MTHFD2L: variants seen among roughly 807,000 people sequenced by gnomAD.
MTHFD2L encodes bifunctional methylenetetrahydrofolate dehydrogenase/cyclohydrolase 2, mitochondrial.
A neutral mutation model predicts 34.9 loss-of-function variants in MTHFD2L; 29 were observed. That is an observed-to-expected ratio of 0.83 (90% CI 0.62 to 1.13). The LOEUF (loss-of-function observed/expected upper bound fraction) is 1.13, where lower values mean the gene tolerates loss of function less well. MTHFD2L is among the 50% of genes most tolerant of loss of function. The pLI, the probability that MTHFD2L is intolerant of heterozygous loss-of-function variation, is 0.00. For synonymous variants in MTHFD2L, 167 were observed against 155.7 expected, an observed-to-expected ratio of 1.07 and a Z score of -0.54; for missense variants, 481 against 446.5, an observed-to-expected ratio of 1.08 and a Z score of -0.70.
At chr4:74,250,858 C>T (rs557946501) in intron 6 of MTHFD2L, among the ~76,000 whole-genome samples, 1 of 152,282 alleles carries the variant, frequency 6.6e-6, no homozygotes, top group African/African-American at 2.4e-5. Context: ...CAGACACAGT[C>T]TCCCAACTGC....
chr4:74,299,080 CAAAT>C (rs1414025945), intron 7 of MTHFD2L, among the ~76,000 whole-genome samples: 2 of 151,684 alleles, frequency 1.3e-5, no homozygotes, highest in African/African-American at 4.8e-5. Context: ...TTTTCATAGA[CAAAT>C]AATATCAAAG....
chr4:74,137,537 C>A (rs1322079839), intron 1 of MTHFD2L, among the ~76,000 whole-genome samples: 1 of 151,974 alleles, frequency 6.6e-6, no homozygotes, highest in Non-Finnish European at 1.5e-5. Flanking sequence ...ACAGCCAGTA[C>A]AGAAGATTGT....
intron 1 of MTHFD2L, among the ~76,000 whole-genome samples, chr4:74,147,360 G>T (rs558709380): frequency 6.6e-6 from 1 of 152,252 alleles, no homozygotes; most frequent in South Asian, 2.1e-4. Context: ...ATTCCAGAAG[G>T]TTATATCCTG....
rs774336019 is a variant in MTHFD2L at position 74,159,386 on chromosome 4, C to G, written c.143+1105C>G. On this transcript the variant is annotated intron_variant, in intron 1 of 7. Coordinates refer to ENST00000325278, the MANE Select transcript of MTHFD2L (RefSeq NM_001144978.3). ...ATCTACTACCTAGGAAAAGCAGATT[C>G]TGTAGAATTCTATTTGTTTTAAAGA... Among the ~76,000 whole-genome samples, 143 of 152,272 alleles carry G rather than the reference C, an allele frequency of 9.4e-4. 1 individual carries two copies. Among genetic ancestry groups the G allele is most frequent in the Non-Finnish European group, 5.9e-5 (4 of 68,018 alleles).
chr4:74,158,860 GCAAGAA>G (rs1724776675), intron 1 of MTHFD2L, among the ~76,000 whole-genome samples: 1 of 152,042 alleles, frequency 6.6e-6, no homozygotes, highest in African/African-American at 2.4e-5. Context: ...TTGGTTGCTG[GCAAGAA>G]CCATGCAAAT....
chr4:74,136,775 C>G (rs1722967029), intron 1 of MTHFD2L, among the ~76,000 whole-genome samples: 1 of 151,930 alleles, frequency 6.6e-6, no homozygotes, highest in Non-Finnish European at 1.5e-5. Context: ...TAAAAACAGA[C>G]AGATAAATAA....
intron 7 of MTHFD2L, among the ~76,000 whole-genome samples, chr4:74,290,751 ATCC>A (rs1324358383): frequency 6.6e-6 from 1 of 151,740 alleles, no homozygotes; most frequent in African/African-American, 2.4e-5. Context: ...AGTTACCACC[ATCC>A]TCCTCATTAC....
chr4:74,192,602 A>G (rs1024498859), intron 3 of MTHFD2L, among the ~76,000 whole-genome samples: 1 of 152,112 alleles, frequency 6.6e-6, no homozygotes, highest in African/African-American at 2.4e-5. Context: ...CATATTATGG[A>G]ACATTTTTGT....
intron 1 of MTHFD2L, among the ~76,000 whole-genome samples, chr4:74,128,557 T>G (rs1722243735): frequency 6.6e-6 from 1 of 152,142 alleles, no homozygotes; most frequent in Admixed American, 6.6e-5. Context: ...GGGTTCTCTA[T>G]TCTATTCCAT....
At chr4:74,178,059 A>T (rs1433481484) in intron 3 of MTHFD2L, among the ~76,000 whole-genome samples, 1 of 23,902 alleles carries the variant, frequency 4.2e-5, no homozygotes, top group African/African-American at 4.3e-5. Flanking sequence ...TCATGGAAAC[A>T]TAGAGTTAAT....
Position 74,281,557 on chromosome 4 carries a change from A to T in MTHFD2L, c.931+7A>T. The T allele has an allele frequency of 6.2e-7, 1 of 1,608,004 alleles. No homozygotes were observed. The highest frequency in any genetic ancestry group is 8.5e-7 in the Non-Finnish European group (1 of 1,177,596). On this transcript the variant is annotated splice_region_variant and intron_variant, in intron 7 of 7. Coordinates refer to ENST00000325278, the MANE Select transcript of MTHFD2L (RefSeq NM_001144978.3). ...GGAGATGTGGACTTCGAAGGTAATA[A>T]ACCAATATCTTTTGATAGGTGAAGA...
intron 5 of MTHFD2L, among the ~76,000 whole-genome samples, chr4:74,223,638 A>AAAT (rs1560504600): frequency 4.0e-5 from 6 of 151,364 alleles, no homozygotes; most frequent in East Asian, 1.9e-4. Flanking sequence ...AAAACAAATA[A>AAAT]AAATAAATAA....
intron 5 of MTHFD2L, among the ~76,000 whole-genome samples, chr4:74,210,118 A>T (rs1208356852): frequency 1.3e-5 from 2 of 151,902 alleles, no homozygotes; most frequent in African/African-American, 4.8e-5. Context: ...TAGATTGCAA[A>T]TTTTTTCTCC....
intron 3 of MTHFD2L, among the ~76,000 whole-genome samples, chr4:74,198,920 A>T (rs1015982987): frequency 2.0e-5 from 3 of 152,156 alleles, no homozygotes; most frequent in Non-Finnish European, 4.4e-5. Context: ...CAAAAGATAT[A>T]AAACCCAAGG....
chr4:74,240,052 T>A (rs1256972000), intron 6 of MTHFD2L, among the ~76,000 whole-genome samples: 3 of 152,126 alleles, frequency 2.0e-5, no homozygotes, highest in African/African-American at 7.2e-5. Flanking sequence ...TTCTTGTAGG[T>A]CACTAAGATA....
rs1006062193 is a variant in MTHFD2L, at chr4:74,246,678, G to T, written c.805+21284G>T. Among the ~76,000 whole-genome samples, 5 of 152,248 alleles carry T rather than the reference G, an allele frequency of 3.3e-5. No homozygotes were observed. In the East Asian group the frequency reaches 7.7e-4, roughly 23 times the overall value. ...GTATAAGGTGTAAGGAAGGGATCCA[G>T]TTTCAGCTTTCTACATATGGCCAGC... is the stretch of plus-strand genomic sequence containing the variant. On this transcript the variant is annotated intron_variant, in intron 6 of 7. Transcript: ENST00000325278.
intron 6 of MTHFD2L, among the ~76,000 whole-genome samples, chr4:74,227,399 A>G (rs1441569251): frequency 1.3e-5 from 2 of 151,090 alleles, no homozygotes; most frequent in Non-Finnish European, 2.9e-5. Context: ...CGCTGTAAAA[A>G]TTATTTCATT....
intron 1 of MTHFD2L, chr4:74,143,595 A>T (rs1723411723): frequency 4.5e-6 from 1 of 223,872 alleles, no homozygotes. Flanking sequence ...TATACATTTG[A>T]AGTAAGATTT....
intron 5 of MTHFD2L, among the ~76,000 whole-genome samples, chr4:74,220,080 A>C (rs1044953600): frequency 9.8e-6 from 1 of 102,532 alleles, no homozygotes; most frequent in African/African-American, 3.4e-5. Context: ...TTTCAGTTTC[A>C]TTTTGGTTTT....
Sources: allele counts gnomAD v4.1 joint callset (sites outside exome capture counted in the v4.1 genomes callset), GRCh38; gene constraint gnomAD v4.1.1; transcripts MANE v1.5; gene names NCBI Gene and HGNC (gene_info 2026-07-23, HGNC 2026-07-21).